Variants in MAST4 observed in about 807,000 individuals in gnomAD.
MAST4 encodes the protein microtubule-associated serine/threonine-protein kinase 4.
In MAST4, 89 loss-of-function variants were observed where a neutral mutation model predicts 162.7. The ratio of observed to expected loss-of-function variants is 0.55; its 90% CI spans 0.46 to 0.65. MAST4 has a LOEUF of 0.65. MAST4 is among the 30% of genes least tolerant of loss of function. The pLI, the probability that MAST4 is intolerant of heterozygous loss-of-function variation, is 0.00. For synonymous variants in MAST4, 1,479 were observed against 1,361.1 expected (o/e 1.09, Z -1.91); for missense variants, 3,153 against 3,374.0 (o/e 0.93, Z 1.62).
chr5:67,036,564 G>C (rs1393224428), intron 4 of MAST4, among the ~76,000 whole-genome samples: 1 of 152,112 alleles, frequency 6.6e-6, no homozygotes, highest in Non-Finnish European at 1.5e-5. Flanking sequence ...GATATAAGAT[G>C]ACATAGTATT....
At chr5:66,912,787 A>T (rs1226368856) in intron 4 of MAST4, among the ~76,000 whole-genome samples, 1 of 152,126 alleles carries the variant, frequency 6.6e-6, no homozygotes, top group South Asian at 2.1e-4. Context: ...CTTTAAGATG[A>T]TGGTGGTGAT....
intron 5 of MAST4, among the ~76,000 whole-genome samples, chr5:67,069,755 C>A (rs1760708494): frequency 1.3e-5 from 2 of 152,204 alleles, no homozygotes; most frequent in East Asian, 3.9e-4. Context: ...TATCTATCCG[C>A]TGGAACAATT....
intron 3 of MAST4, among the ~76,000 whole-genome samples, chr5:66,886,253 A>G (rs1481339177): frequency 6.6e-6 from 1 of 152,256 alleles, no homozygotes; most frequent in Non-Finnish European, 1.5e-5. Flanking sequence ...TTTCTTTAAA[A>G]GAGGCACAAT....
At chr5:67,156,130 C>A (rs538778550) in intron 26 of MAST4, among the ~76,000 whole-genome samples, 4 of 151,688 alleles carry the variant, frequency 2.6e-5, no homozygotes. Flanking sequence ...GCCTGCCACA[C>A]TCTTGTCAAT....
chr5:67,163,368 T>C lies in MAST4; in HGVS notation c.4189T>C (p.Ser1397Pro). 1.9e-6 allele frequency: 3 copies of C among 1,612,388 alleles called. No individual in the cohort carries two copies. Among genetic ancestry groups the C allele is most frequent in the Non-Finnish European group, 2.5e-6 (3 of 1,179,800 alleles). Residue 1397 changes from serine (S) to proline (P), a missense_variant, in exon 29 of 29, where the codon TCC becomes CCC. Ser to Pro is a moderately conservative substitution (Grantham distance 74). Coordinates refer to ENST00000403625, the MANE Select transcript of MAST4 (RefSeq NM_001164664.2). The surrounding 1 kb of genome is among the most constrained non-coding windows in gnomAD (Gnocchi z 7.0). ...PQPTSPQRSP[S>P]PLLGHSLGNS... ...ACCCACCTCCCCGCAGCGGTCACCATCCCCTCTTCTGGGACACTCACTGGG... is the reference window on the plus strand; with the variant it reads ...ACCCACCTCCCCGCAGCGGTCACCACCCCCTCTTCTGGGACACTCACTGGG...
chr5:66,830,495 G>T (rs992638900), intron 3 of MAST4, among the ~76,000 whole-genome samples: 1 of 152,034 alleles, frequency 6.6e-6, no homozygotes, highest in African/African-American at 2.4e-5. Flanking sequence ...GGTTTTTATT[G>T]TACTTAATAT....
At chr5:66,746,138 T>C (rs1561301049) in intron 1 of MAST4, among the ~76,000 whole-genome samples, 1 of 152,208 alleles carries the variant, frequency 6.6e-6, no homozygotes, top group Non-Finnish European at 1.5e-5. Flanking sequence ...TTCCACTGCT[T>C]AATGTTTTGT....
chr5:66,647,646 A>G (rs951978343), intron 1 of MAST4, among the ~76,000 whole-genome samples: 10 of 152,326 alleles, frequency 6.6e-5, no homozygotes, highest in African/African-American at 2.4e-4. Flanking sequence ...TAGTATTGGT[A>G]TAATCAAACA....
intron 5 of MAST4, among the ~76,000 whole-genome samples, chr5:67,086,624 C>T (rs925714038): frequency 2.0e-5 from 3 of 152,190 alleles, no homozygotes; most frequent in African/African-American, 7.2e-5. Context: ...ACTCAAACAT[C>T]CAAGAGCCAG....
At chr5:66,768,540 G>A (rs1398991318) in intron 2 of MAST4, among the ~76,000 whole-genome samples, 3 of 152,164 alleles carry the variant, frequency 2.0e-5, no homozygotes, top group African/African-American at 7.2e-5. Flanking sequence ...GTCCAAAGAG[G>A]TTATACTGTA....
chr5:66,955,048 A>G (rs1258400027), intron 4 of MAST4, among the ~76,000 whole-genome samples: 2 of 151,938 alleles, frequency 1.3e-5, no homozygotes, highest in African/African-American at 2.4e-5. Context: ...AAAAATACAC[A>G]CACAAAAATT....
chr5:67,082,116 A>C (rs978673671), intron 5 of MAST4, among the ~76,000 whole-genome samples: 7 of 150,670 alleles, frequency 4.6e-5, no homozygotes, highest in Admixed American at 2.6e-4. Flanking sequence ...ACCCAAATTG[A>C]GGGACATTCT....
At chr5:67,050,628 A>T (rs1319691490) in intron 4 of MAST4, among the ~76,000 whole-genome samples, 1 of 152,166 alleles carries the variant, frequency 6.6e-6, no homozygotes, top group African/African-American at 2.4e-5. Flanking sequence ...GTAAAAATAA[A>T]TGCTTGTGAT....
chr5:66,820,606 T>C (rs1487942592), intron 3 of MAST4, among the ~76,000 whole-genome samples: 63 of 152,326 alleles, frequency 4.1e-4, no homozygotes, highest in East Asian at 1.9e-4. Flanking sequence ...AAAAATGAAG[T>C]TCTATTACCC....
intron 3 of MAST4, among the ~76,000 whole-genome samples, chr5:66,816,195 T>C (rs541029581): frequency 8.4e-4 from 128 of 152,196 alleles, no homozygotes; most frequent in Non-Finnish European, 1.4e-3. Flanking sequence ...TTGTAAACTT[T>C]CTTGAAACAT....
At chr5:66,645,405 T>C (rs1177716379) in intron 1 of MAST4, among the ~76,000 whole-genome samples, 3 of 152,228 alleles carry the variant, frequency 2.0e-5, no homozygotes, top group Non-Finnish European at 2.9e-5. Flanking sequence ...ATTCCAGTTA[T>C]TTCTCAGAAT....
At chr5:67,094,126 T>A (rs1764163246) in intron 6 of MAST4, 2 of 1,433,512 alleles carry the variant, frequency 1.4e-6, no homozygotes, top group East Asian at 4.7e-5. Context: ...TTTAACATAC[T>A]TGATTCATTT....
intron 3 of MAST4, among the ~76,000 whole-genome samples, chr5:66,817,016 T>C: frequency 6.6e-6 from 1 of 152,202 alleles, no homozygotes. Context: ...CCCACCCTTC[T>C]GAGTTATTCC....
chr5:66,656,885 A>G (rs1746585385), intron 1 of MAST4, among the ~76,000 whole-genome samples: 1 of 152,176 alleles, frequency 6.6e-6, no homozygotes, highest in Non-Finnish European at 1.5e-5. Context: ...GTGAGACATA[A>G]TTCTTGGGTA....
Sources: gnomAD v4.1 joint callset for allele counts (sites outside exome capture counted in the v4.1 genomes callset) on GRCh38, gnomAD v4.1.1 for gene constraint, Gnocchi (gnomAD v3.1) non-coding constraint, MANE v1.5 for transcripts, NCBI Gene and HGNC (gene_info 2026-07-23, HGNC 2026-07-21) for gene names.